WDR76: variants seen among roughly 807,000 people sequenced by gnomAD.
WDR76 encodes the protein WD repeat domain 76.
WDR76 carries 52 observed loss-of-function variants against 70.2 expected under a neutral mutation model. That is an observed-to-expected ratio of 0.74 (90% CI 0.59 to 0.93). The LOEUF (loss-of-function observed/expected upper bound fraction) is 0.93, where lower values mean the gene tolerates loss of function less well. Among genes scored for constraint, WDR76 ranks in the 40% least tolerant of loss-of-function variants. The pLI, the probability that WDR76 is intolerant of heterozygous loss-of-function variation, is 0.00. For missense variants in WDR76, 756 were observed against 760.2 expected, an observed-to-expected ratio of 0.99 and a Z score of 0.07; for synonymous variants, 292 against 271.1, an observed-to-expected ratio of 1.08 and a Z score of -0.76.
chr15:43,865,588 T>C (rs1595457499), intron 12 of WDR76, among the ~76,000 whole-genome samples: 1 of 152,046 alleles, frequency 6.6e-6, no homozygotes, highest in East Asian at 1.9e-4. Flanking sequence ...GTGTTTTTAG[T>C]AGACTGGGTT....
At chr15:43,846,584 G>C (rs2092263412) in intron 8 of WDR76, among the ~76,000 whole-genome samples, 1 of 151,114 alleles carries the variant, frequency 6.6e-6, no homozygotes, top group Non-Finnish European at 1.5e-5. Flanking sequence ...ACACCCATCT[G>C]AGACTACTTT....
intron 1 of WDR76, among the ~76,000 whole-genome samples, 160 bp from the exon 2 acceptor site, chr15:43,827,805 A>G (rs2087535690): frequency 6.6e-6 from 1 of 152,160 alleles, no homozygotes; most frequent in South Asian, 2.1e-4. Context: ...TGGGCCTCCC[A>G]AAGTGCTGGG....
chr15:43,832,861 T>C (rs756283808), intron 2 of WDR76, among the ~76,000 whole-genome samples: 31 of 145,230 alleles, frequency 2.1e-4, no homozygotes, highest in Non-Finnish European at 4.1e-4. Context: ...CAAGCAACTC[T>C]TGTGCCTCAG....
chr15:43,840,339 G>T (rs1466604443), intron 5 of WDR76, among the ~76,000 whole-genome samples: 1 of 150,804 alleles, frequency 6.6e-6, no homozygotes, highest in Non-Finnish European at 1.5e-5. Flanking sequence ...TTTTATGTCA[G>T]TTTAAAAAAA....
chr15:43,832,950 T>G (rs1220962611), intron 2 of WDR76, among the ~76,000 whole-genome samples: 1 of 151,808 alleles, frequency 6.6e-6, no homozygotes, highest in East Asian at 1.9e-4. Flanking sequence ...AGACGGGGTT[T>G]CGACACGTTG....
intron 10 of WDR76, 86 bp downstream of exon 10, chr15:43,857,249 C>T: frequency 7.7e-7 from 1 of 1,292,966 alleles, no homozygotes; most frequent in Non-Finnish European, 1.1e-6. Flanking sequence ...TATTGTAATA[C>T]AATATTACAA....
chr15:43,844,461 A>G (rs2087762698), intron 8 of WDR76, among the ~76,000 whole-genome samples: 1 of 151,856 alleles, frequency 6.6e-6, no homozygotes, highest in Non-Finnish European at 1.5e-5. Flanking sequence ...GTAGTAAAAA[A>G]ATACAAAAAT....
chr15:43,858,099 A>G (rs2087952587), intron 10 of WDR76, among the ~76,000 whole-genome samples: 1 of 142,794 alleles, frequency 7.0e-6, no homozygotes, highest in Admixed American at 7.1e-5. Context: ...TACCTAGCTA[A>G]TGTTTGTATT....
intron 9 of WDR76, among the ~76,000 whole-genome samples, chr15:43,853,152 G>T (rs1282143044): frequency 2.0e-5 from 3 of 152,074 alleles, no homozygotes; most frequent in African/African-American, 7.2e-5. Context: ...GCCTCCCAAA[G>T]TCTTGGGATT....
At chr15:43,856,027 T>G (rs953394620) in intron 9 of WDR76, among the ~76,000 whole-genome samples, 1 of 152,208 alleles carries the variant, frequency 6.6e-6, no homozygotes, top group African/African-American at 2.4e-5. Context: ...CTCCTCTTCT[T>G]TATACTAATG....
chr15:43,835,298 C>A, intron 3 of WDR76, 148 bp downstream of exon 3: 1 of 430,338 alleles, frequency 2.3e-6, no homozygotes. Context: ...GAGACCCGCC[C>A]CCCGCCCCCC....
intron 8 of WDR76, among the ~76,000 whole-genome samples, chr15:43,846,158 T>C (rs530687917): frequency 6.7e-6 from 1 of 149,588 alleles, no homozygotes; most frequent in South Asian, 2.1e-4. Flanking sequence ...ATTTTGAAAA[T>C]AGGGTACCAT....
chr15:43,853,655 C>G (rs1364415025), intron 9 of WDR76, among the ~76,000 whole-genome samples: 1 of 151,914 alleles, frequency 6.6e-6, no homozygotes, highest in African/African-American at 2.4e-5. Flanking sequence ...CCTGTAATCC[C>G]AGAACTTTGG....
At chr15:43,864,965 CGG>C (rs2088051285) in intron 12 of WDR76, among the ~76,000 whole-genome samples, 1 of 152,186 alleles carries the variant, frequency 6.6e-6, no homozygotes, top group African/African-American at 2.4e-5. Context: ...CCCTCTGACA[CGG>C]GGGCTGGAGT....
At chr15:43,855,047 A>G (rs972581692) in intron 9 of WDR76, among the ~76,000 whole-genome samples, 1 of 152,004 alleles carries the variant, frequency 6.6e-6, no homozygotes, top group Admixed American at 6.6e-5. Flanking sequence ...CCTGGCAACT[A>G]CTGAAGTGAT....
At chr15:43,844,926 TAAAAAAA>T (rs1163275078) in intron 8 of WDR76, among the ~76,000 whole-genome samples, 1 of 15,528 alleles carries the variant, frequency 6.4e-5, no homozygotes, top group Non-Finnish European at 1.1e-4. Context: ...AGACTCTGTG[TAAAAAAA>T]AAAAAAAAAA....
intron 8 of WDR76, among the ~76,000 whole-genome samples, chr15:43,844,780 T>C (rs1008251413): frequency 1.3e-5 from 2 of 149,434 alleles, no homozygotes; most frequent in Admixed American, 1.3e-4. Context: ...TGGAACAAAT[T>C]AGCTAGGCGT....
intron 2 of WDR76, among the ~76,000 whole-genome samples, chr15:43,832,733 G>C (rs979997050): frequency 1.4e-5 from 2 of 138,520 alleles, no homozygotes; most frequent in Middle Eastern, 3.8e-3. Context: ...CATTGCACCC[G>C]GCTTGCTTTG....
chr15:43,835,715 A>C (rs1360080549), intron 3 of WDR76, among the ~76,000 whole-genome samples: 1 of 148,898 alleles, frequency 6.7e-6, no homozygotes, highest in Non-Finnish European at 1.5e-5. Context: ...CTGGAGTGCA[A>C]TGGCACGATC....
Sources: allele counts gnomAD v4.1 joint callset (sites outside exome capture counted in the v4.1 genomes callset), GRCh38; gene constraint gnomAD v4.1.1; transcripts MANE v1.5; gene names NCBI Gene and HGNC (gene_info 2026-07-23, HGNC 2026-07-21).